Variants in CNN1 observed in about 807,000 individuals in gnomAD.
CNN1 encodes calponin-1.
In CNN1, 21 loss-of-function variants were observed where a neutral mutation model predicts 35.3. The ratio of observed to expected loss-of-function variants is 0.60; its 90% CI spans 0.42 to 0.86. CNN1 has a LOEUF of 0.86. Among genes scored for constraint, CNN1 ranks in the 40% least tolerant of loss-of-function variants. CNN1 has a pLI of 0.00. For synonymous variants in CNN1, 164 were observed against 161.8 expected, an observed-to-expected ratio of 1.01 and a Z score of -0.10; for missense variants, 314 against 400.8, an observed-to-expected ratio of 0.78 and a Z score of 1.85.
At chr19:11,547,956 C>A in intron 5 of CNN1, 49 bp downstream of exon 5, 1 of 1,479,678 alleles carries the variant, frequency 6.8e-7, no homozygotes, top group Non-Finnish European at 9.3e-7. Flanking sequence ...CAGGAGGGCA[C>A]CCTGATGTCT....
chr19:11,539,571 T>C, intron 1 of CNN1: 2 of 1,019,118 alleles, frequency 2.0e-6, no homozygotes, highest in Non-Finnish European at 2.5e-6. Flanking sequence ...GTAAAGCAGG[T>C]ACAGCGCTCG....
intron 5 of CNN1, among the ~76,000 whole-genome samples, chr19:11,548,804 T>A (rs1434030132): frequency 6.6e-6 from 1 of 151,766 alleles, no homozygotes; most frequent in Admixed American, 6.6e-5. Flanking sequence ...GCCGCTGCAC[T>A]CCAACCTGGG....
At chr19:11,542,500 G>C (rs904759540) in intron 2 of CNN1, among the ~76,000 whole-genome samples, 16 of 151,650 alleles carry the variant, frequency 1.1e-4, no homozygotes, top group Non-Finnish European at 1.5e-5. Flanking sequence ...GCCGGCCCTG[G>C]TTTTCTCCTC....
intron 4 of CNN1, 152 bp downstream of exon 4, chr19:11,547,121 G>A: frequency 8.8e-7 from 1 of 1,140,494 alleles, no homozygotes; most frequent in Non-Finnish European, 1.2e-6. Flanking sequence ...AGGGGGCCGG[G>A]CGCGGTCGCT....
At chr19:11,548,880 A>G (rs1287833351) in intron 5 of CNN1, among the ~76,000 whole-genome samples, 1 of 151,946 alleles carries the variant, frequency 6.6e-6, no homozygotes, top group African/African-American at 2.4e-5. Flanking sequence ...GAACAAAATA[A>G]AATATAAAAA....
chr19:11,541,221 G>T, intron 2 of CNN1, 24 bp downstream of exon 2: 1 of 1,532,474 alleles, frequency 6.5e-7, no homozygotes, highest in Non-Finnish European at 8.8e-7. Flanking sequence ...TCGAAGCCGA[G>T]ACCCTGCAAC....
Position 11,549,045 on chromosome 19 carries a change from G to A in CNN1, c.502-278G>A, listed in dbSNP as rs567368473. ...CTACTAAAAATACAAAAAATTATCC[G>A]GGCATGGTGATGCCCACCTGTGATC... On this transcript the variant is annotated intron_variant, in intron 5 of 6. Transcript: ENST00000252456. The surrounding 1 kb of genome is among the most constrained non-coding windows in gnomAD (Gnocchi z 5.2). Among the ~76,000 whole-genome samples the A allele has an allele frequency of 3.3e-5, 5 of 149,546 alleles. No homozygotes were observed. In the South Asian group the frequency reaches 6.4e-4, roughly 19 times the overall value.
At chr19:11,548,648 G>T (rs1174191458) in intron 5 of CNN1, among the ~76,000 whole-genome samples, 2 of 152,126 alleles carry the variant, frequency 1.3e-5, no homozygotes, top group African/African-American at 4.8e-5. Flanking sequence ...GGCCAGCCTG[G>T]CCAACGTGGT....
At chr19:11,539,070 C>A in intron 1 of CNN1, 80 bp downstream of exon 1, 1 of 1,269,770 alleles carries the variant, frequency 7.9e-7, no homozygotes, top group Non-Finnish European at 1.1e-6. Flanking sequence ...CTTGAACCCC[C>A]TCCTGCCTAT....
chr19:11,541,657 C>T (rs117622894), intron 2 of CNN1, among the ~76,000 whole-genome samples: 5,289 of 152,272 alleles, frequency 0.035, 127 homozygotes, highest in Admixed American at 0.07. Context: ...GACACAATCT[C>T]GGCTCACTGC....
In CNN1 at chr19:11,549,927, GT is replaced by G; in HGVS notation, c.*134del. 7.4e-7 allele frequency: 1 copy of G among 1,353,100 alleles called. No individual in the cohort carries two copies. The highest frequency in any genetic ancestry group is 1.0e-6 in the Non-Finnish European group (1 of 992,612). 83.8% of individuals were successfully genotyped at this position (1,353,100 alleles called of 1,614,324 possible). On this transcript the variant is annotated 3_prime_UTR_variant, in exon 7 of 7. Coordinates refer to ENST00000252456, the MANE Select transcript of CNN1 (RefSeq NM_001299.6). This position sits in a 1 kb window ranked among gnomAD's most constrained non-coding sequence, Gnocchi z 5.2. ...CCCTGTAGAACTCAACCTCTACAGG[GT>G]TAGAGTTTGGAGAGAGCAGACTGGC...
chr19:11,545,855 A>T (rs955363038), intron 2 of CNN1, among the ~76,000 whole-genome samples: 2 of 149,842 alleles, frequency 1.3e-5, no homozygotes, highest in African/African-American at 2.5e-5. Flanking sequence ...GATCCCAGCT[A>T]CTCGGAAGGC....
chr19:11,544,611 T>G (rs567203329), intron 2 of CNN1, among the ~76,000 whole-genome samples: 137 of 150,800 alleles, frequency 9.1e-4, no homozygotes, highest in Non-Finnish European at 1.6e-3. Flanking sequence ...CCCAGCCTCC[T>G]CAGTAGCTGG....
rs998116703 is a variant in CNN1 at position 11,547,738 on chromosome 19, A to G, written c.391-59A>G. ...AACAACAACAAAAAAACAGTGTCCAAGGGGACTGTGCAGCCTGGAGGCCCC... is the reference window on the plus strand; with the variant it reads ...AACAACAACAAAAAAACAGTGTCCAGGGGGACTGTGCAGCCTGGAGGCCCC... On this transcript the variant is annotated intron_variant, in intron 4 of 6. Coordinates refer to ENST00000252456, the MANE Select transcript of CNN1 (RefSeq NM_001299.6). 13 of 1,398,622 alleles carry G rather than the reference A, an allele frequency of 9.3e-6. No homozygotes were observed. The Middle Eastern group carries it at 5.4e-4, about 58-fold the overall frequency. 86.6% of individuals were successfully genotyped at this position (1,398,622 alleles called of 1,614,324 possible).
intron 2 of CNN1, among the ~76,000 whole-genome samples, chr19:11,545,749 G>A (rs1448284513): frequency 7.0e-6 from 1 of 142,398 alleles, no homozygotes; most frequent in Non-Finnish European, 1.5e-5. Context: ...GAGCCCAGGA[G>A]TTCAAGACCA....
rs1221466717 is a variant in CNN1, at chr19:11,549,923, C to T, written c.*128C>T. ...CAGCCCCTGTAGAACTCAACCTCTACAGGGTTAGAGTTTGGAGAGAGCAGA... is the reference window on the plus strand; with the variant it reads ...CAGCCCCTGTAGAACTCAACCTCTATAGGGTTAGAGTTTGGAGAGAGCAGA... On this transcript the variant is annotated 3_prime_UTR_variant, in exon 7 of 7. Transcript: ENST00000252456. This position sits in a 1 kb window ranked among gnomAD's most constrained non-coding sequence, Gnocchi z 5.2. 8 of 1,370,118 alleles carry T rather than the reference C, an allele frequency of 5.8e-6. No homozygotes were observed. The highest frequency in any genetic ancestry group is 6.0e-6 in the Non-Finnish European group (6 of 1,005,640). 84.9% of individuals were successfully genotyped at this position (1,370,118 alleles called of 1,614,324 possible).
chr19:11,541,632 A>G (rs1972463978), intron 2 of CNN1, among the ~76,000 whole-genome samples: 1 of 152,186 alleles, frequency 6.6e-6, no homozygotes, highest in Non-Finnish European at 1.5e-5. Flanking sequence ...TCTGTTGCCC[A>G]GGCTGCAGTG....
At chr19:11,546,527 G>C (rs983967871) in intron 2 of CNN1, 148 bp from the exon 3 acceptor site, 2 of 750,662 alleles carry the variant, frequency 2.7e-6, no homozygotes, top group Non-Finnish European at 4.5e-6. Context: ...GTAGAGATGG[G>C]GTTTCACCAT....
At chr19:11,543,243 G>A (rs868205472) in intron 2 of CNN1, among the ~76,000 whole-genome samples, 2 of 151,984 alleles carry the variant, frequency 1.3e-5, no homozygotes, top group East Asian at 1.9e-4. Flanking sequence ...CCAGCTACTC[G>A]GAAGGCTGAG....
Sources: gnomAD v4.1 joint callset for allele counts (sites outside exome capture counted in the v4.1 genomes callset) on GRCh38, gnomAD v4.1.1 for gene constraint, Gnocchi (gnomAD v3.1) non-coding constraint, MANE v1.5 for transcripts, NCBI Gene and HGNC (gene_info 2026-07-23, HGNC 2026-07-21) for gene names.